KLRG1: variants seen among roughly 807,000 people sequenced by gnomAD.
KLRG1 encodes the protein killer cell lectin-like receptor subfamily G member 1.
Under a neutral mutation model 21.8 loss-of-function variants are expected in KLRG1, and 16 were observed. That is an observed-to-expected ratio of 0.73 (90% CI 0.50 to 1.11). The LOEUF (loss-of-function observed/expected upper bound fraction) is 1.11, where lower values mean the gene tolerates loss of function less well. KLRG1 is among the 50% of genes most tolerant of loss of function. The pLI is 0.00. For synonymous variants in KLRG1, 69 were observed against 75.9 expected, an observed-to-expected ratio of 0.91 and a Z score of 0.47; for missense variants, 173 against 218.3, an observed-to-expected ratio of 0.79 and a Z score of 1.31.
At chr12:9,099,718 T>C in the KLRG1 span, among the ~76,000 whole-genome samples, 2 of 152,346 alleles carry the variant, frequency 1.3e-5, no homozygotes, top group East Asian at 3.9e-4. Flanking sequence ...TCACCAGCTT[T>C]AAGCTTCAGC....
the KLRG1 span, among the ~76,000 whole-genome samples, chr12:9,091,921 A>C: frequency 1.3e-5 from 2 of 152,342 alleles, no homozygotes; most frequent in South Asian, 2.1e-4. Context: ...GCTCTGATGC[A>C]ATTAGATTAG....
the KLRG1 span, chr12:9,079,873 C>A: frequency 7.1e-7 from 1 of 1,416,704 alleles, no homozygotes; most frequent in South Asian, 1.7e-5. Context: ...CTATCAAAGT[C>A]ATTAAGCAGA....
downstream of KLRG1, among the ~76,000 whole-genome samples, chr12:9,011,180 A>C (rs1947627866): frequency 6.6e-6 from 1 of 152,166 alleles, no homozygotes; most frequent in African/African-American, 2.4e-5. Context: ...CTCTGTGACT[A>C]GGGTTCAGGC....
chr12:9,151,539 A>G, the KLRG1 span: 1 of 1,329,076 alleles, frequency 7.5e-7, no homozygotes, highest in Middle Eastern at 1.8e-4. Flanking sequence ...CGACTATTCT[A>G]GTAAAGAGAC....
the KLRG1 span, chr12:9,157,198 A>G: frequency 1.9e-6 from 3 of 1,613,670 alleles, no homozygotes; most frequent in African/African-American, 1.3e-5. Context: ...TTCCTTATCA[A>G]GTGAGTTCAG....
chr12:9,079,450 T>G, the KLRG1 span: 2 of 1,194,910 alleles, frequency 1.7e-6, no homozygotes, highest in East Asian at 2.5e-5. Context: ...TGTCATAGAT[T>G]AGGAGTTTCT....
intron 3 of KLRG1, among the ~76,000 whole-genome samples, chr12:8,998,266 C>T (rs894038275): frequency 6.6e-6 from 1 of 152,076 alleles, no homozygotes; most frequent in African/African-American, 2.4e-5. Context: ...GAGGTGGAGG[C>T]TGCAGTGAGC....
At chr12:9,152,428 A>G in the KLRG1 span, 1 of 752,806 alleles carries the variant, frequency 1.3e-6, no homozygotes, top group Non-Finnish European at 2.3e-6. Flanking sequence ...AATATTCTAC[A>G]AAGGTCTGTG....
At chr12:9,157,054 T>C in the KLRG1 span, 1 of 868,660 alleles carries the variant, frequency 1.2e-6, no homozygotes, top group African/African-American at 1.7e-5. Context: ...CCCCCATGCA[T>C]TAGCTATCTA....
chr12:9,213,334 A>G, the KLRG1 span, among the ~76,000 whole-genome samples: 1 of 152,094 alleles, frequency 6.6e-6, no homozygotes, highest in South Asian at 2.1e-4. Flanking sequence ...TTTTGGGGGA[A>G]TATATACAGG....
the KLRG1 span, among the ~76,000 whole-genome samples, chr12:9,126,240 T>G: frequency 1.3e-5 from 2 of 152,258 alleles, no homozygotes; most frequent in African/African-American, 4.8e-5. Flanking sequence ...GAGAATGTTA[T>G]TTCATCCGGT....
At chr12:9,094,563 A>G in the KLRG1 span, among the ~76,000 whole-genome samples, 5 of 151,970 alleles carry the variant, frequency 3.3e-5, no homozygotes, top group Admixed American at 1.3e-4. Flanking sequence ...ATGATTTGAC[A>G]ATATGGGACT....
chr12:9,086,299 G>A, the KLRG1 span, among the ~76,000 whole-genome samples: 1 of 152,130 alleles, frequency 6.6e-6, no homozygotes, highest in Non-Finnish European at 1.5e-5. Context: ...TGGCTGAGGT[G>A]GTAGGATTGC....
the KLRG1 span, among the ~76,000 whole-genome samples, chr12:9,172,879 G>C: frequency 3.3e-5 from 5 of 152,156 alleles, no homozygotes; most frequent in African/African-American, 9.7e-5. Context: ...ATAATAGCGA[G>C]AGACTTTAAC....
the KLRG1 span, among the ~76,000 whole-genome samples, chr12:9,188,681 G>A: frequency 6.6e-6 from 1 of 152,096 alleles, no homozygotes; most frequent in Non-Finnish European, 1.5e-5. Context: ...AAAATTTCAG[G>A]ATACAAAATC....
the KLRG1 span, among the ~76,000 whole-genome samples, chr12:9,087,358 C>T: frequency 6.6e-6 from 1 of 152,080 alleles, no homozygotes. Flanking sequence ...CTATTTATGG[C>T]AGCATGATTA....
the KLRG1 span, chr12:9,154,594 A>C: frequency 6.2e-7 from 1 of 1,607,470 alleles, no homozygotes; most frequent in South Asian, 1.1e-5. Context: ...CTGGAGCAGA[A>C]GACTCTTTGG....
chr12:9,097,789 C>T, the KLRG1 span, among the ~76,000 whole-genome samples: 3 of 152,062 alleles, frequency 2.0e-5, no homozygotes, highest in African/African-American at 4.8e-5. Context: ...CCCGCCACCA[C>T]GTCTGACTAA....
the KLRG1 span, chr12:9,169,750 G>C: frequency 4.7e-5 from 28 of 597,402 alleles, no homozygotes; most frequent in Admixed American, 1.2e-4. Flanking sequence ...ATATTTAACA[G>C]TGTTGTTTTG....
Sources: gnomAD v4.1 joint callset for allele counts (sites outside exome capture counted in the v4.1 genomes callset) on GRCh38, gnomAD v4.1.1 for gene constraint, MANE v1.5 for transcripts, NCBI Gene and HGNC (gene_info 2026-07-23, HGNC 2026-07-21) for gene names.